Variants in DLGAP2 observed in about 807,000 individuals in gnomAD.
The protein encoded by DLGAP2 is DLG associated protein 2.
Under a neutral mutation model 100.3 loss-of-function variants are expected in DLGAP2, and 26 were observed. The observed-to-expected ratio is 0.26, with a 90% CI of 0.19 to 0.36. The LOEUF (loss-of-function observed/expected upper bound fraction) is 0.36, where lower values mean the gene tolerates loss of function less well. Among genes scored for constraint, DLGAP2 ranks in the 10% least tolerant of loss-of-function variants. DLGAP2 has a pLI of 1.00. For missense variants in DLGAP2, 1,858 were observed against 1,453.2 expected, an observed-to-expected ratio of 1.28 and a Z score of -4.53; for synonymous variants, 886 against 630.1, an observed-to-expected ratio of 1.41 and a Z score of -6.08.
chr8:1,307,118 T>C (rs2117008227), intron 3 of DLGAP2, among the ~76,000 whole-genome samples: 1 of 152,302 alleles, frequency 6.6e-6, no homozygotes, highest in South Asian at 2.1e-4. Flanking sequence ...GTAGATATCA[T>C]ATATCAAAAT....
chr8:826,082 C>G (rs7008410), intron 1 of DLGAP2, among the ~76,000 whole-genome samples: 1 of 152,224 alleles, frequency 6.6e-6, no homozygotes, highest in South Asian at 2.1e-4. Context: ...CTGTGTTTAT[C>G]TTTCTGTGCC....
chr8:1,112,779 C>A lies in DLGAP2; in HGVS notation c.74-146072C>A, dbSNP rs1805001387. Among the ~76,000 whole-genome samples the A allele has an allele frequency of 2.0e-5, 3 of 152,136 alleles. 1 individual carries two copies. The South Asian group carries it at 6.2e-4, about 31-fold the overall frequency. On this transcript the variant is annotated intron_variant, in intron 2 of 14. Coordinates refer to ENST00000637795, the MANE Select transcript of DLGAP2 (RefSeq NM_001346810.2). ...GCAGAAATTGCATGAATCATGAAATCTTTGCTCATTCAGGATGATATTGCC... is the reference window on the plus strand; with the variant it reads ...GCAGAAATTGCATGAATCATGAAATATTTGCTCATTCAGGATGATATTGCC...
intron 3 of DLGAP2, among the ~76,000 whole-genome samples, chr8:1,333,598 C>G (rs1442519074): frequency 6.6e-6 from 1 of 152,182 alleles, no homozygotes; most frequent in Non-Finnish European, 1.5e-5. Context: ...GAGCCCATAT[C>G]AAGCCCTCAT....
intron 3 of DLGAP2, among the ~76,000 whole-genome samples, chr8:1,448,934 G>A (rs1798059972): frequency 6.6e-6 from 1 of 152,144 alleles, no homozygotes; most frequent in Non-Finnish European, 1.5e-5. Context: ...CCGCTGCTGG[G>A]CCTTCAAGGA....
intron 2 of DLGAP2, among the ~76,000 whole-genome samples, chr8:1,165,894 C>T (rs896094938): frequency 6.6e-6 from 1 of 150,868 alleles, no homozygotes; most frequent in Admixed American, 6.6e-5. Context: ...CATAGATGTG[C>T]CACTTTTAAG....
intron 5 of DLGAP2, among the ~76,000 whole-genome samples, chr8:1,558,872 C>T (rs1004766878): frequency 2.0e-5 from 3 of 148,878 alleles, no homozygotes; most frequent in Non-Finnish European, 3.0e-5. Flanking sequence ...TACACATATA[C>T]GTACTTTACA....
At chr8:1,414,433 A>C (rs1441075778) in intron 3 of DLGAP2, among the ~76,000 whole-genome samples, 1 of 152,204 alleles carries the variant, frequency 6.6e-6, no homozygotes, top group African/African-American at 2.4e-5. Flanking sequence ...GAGCCGGTCA[A>C]GTGTGGGAGG....
At chr8:1,188,059 C>G (rs1797550844) in intron 2 of DLGAP2, among the ~76,000 whole-genome samples, 2 of 133,272 alleles carry the variant, frequency 1.5e-5, no homozygotes, top group Admixed American at 1.4e-4. Flanking sequence ...ATCTCACACA[C>G]CCGGGACCTC....
intron 2 of DLGAP2, chr8:926,931 T>G: frequency 1.7e-5 from 13 of 773,010 alleles, no homozygotes; most frequent in Non-Finnish European, 1.9e-5. Flanking sequence ...CTGAGCCGGA[T>G]TAAATGCCTC....
At chr8:1,275,556 C>A (rs570576308) in intron 3 of DLGAP2, among the ~76,000 whole-genome samples, 2 of 151,196 alleles carry the variant, frequency 1.3e-5, no homozygotes, top group South Asian at 4.2e-4. Flanking sequence ...AACTGAATTT[C>A]TTTTCATTCC....
At chr8:1,690,923 T>C (rs1373332473) in intron 12 of DLGAP2, among the ~76,000 whole-genome samples, 1 of 151,986 alleles carries the variant, frequency 6.6e-6, no homozygotes, top group Non-Finnish European at 1.5e-5. Context: ...CCTTTTACCA[T>C]CTCCAGGAGG....
chr8:1,206,533 G>A (rs1797996689), intron 2 of DLGAP2, among the ~76,000 whole-genome samples: 1 of 150,890 alleles, frequency 6.6e-6, no homozygotes, highest in Non-Finnish European at 1.5e-5. Context: ...TCCGTGGACT[G>A]GGGTAGACTG....
In DLGAP2 at chr8:1,049,091, A is replaced by G. The variant is rs116374900; in HGVS notation, c.73+141125A>G. 4.8e-3 allele frequency among the ~76,000 whole-genome samples: 737 copies of G among 152,346 alleles called. 8 individuals are homozygous for G. Among genetic ancestry groups the G allele is most frequent in the African/African-American group, 0.017 (701 of 41,586 alleles). ...CTTCCCGTTTAGCCTGCATTCCTGC[A>G]AAATACATGGGAGGGGAAGCATCTT... On this transcript the variant is annotated intron_variant, in intron 2 of 14. Coordinates refer to ENST00000637795, the MANE Select transcript of DLGAP2 (RefSeq NM_001346810.2).
chr8:1,445,670 C>T (rs1204495475), intron 3 of DLGAP2, among the ~76,000 whole-genome samples: 15 of 152,192 alleles, frequency 9.9e-5, no homozygotes, highest in Non-Finnish European at 1.9e-4. Flanking sequence ...GCCACACTGA[C>T]TTCCACAATG....
chr8:1,491,338 C>T (rs893642830), intron 3 of DLGAP2, among the ~76,000 whole-genome samples: 19 of 152,190 alleles, frequency 1.2e-4, no homozygotes, highest in African/African-American at 4.3e-4. Context: ...TGCTCCTGAC[C>T]CCGGAGGCTT....
At chr8:786,778 A>G (rs1427296637) in intron 1 of DLGAP2, among the ~76,000 whole-genome samples, 2 of 151,068 alleles carry the variant, frequency 1.3e-5, no homozygotes, top group African/African-American at 4.9e-5. Context: ...AAATGGTATG[A>G]GTTGGAAGCA....
intron 2 of DLGAP2, chr8:1,137,352 G>A (rs1199132427): frequency 6.6e-6 from 1 of 152,602 alleles, no homozygotes; most frequent in Non-Finnish European, 1.5e-5. Context: ...TGGATTTGGG[G>A]TGTGCGTAAT....
At chr8:1,453,800 G>A (rs1314525940) in intron 3 of DLGAP2, among the ~76,000 whole-genome samples, 1 of 152,182 alleles carries the variant, frequency 6.6e-6, no homozygotes. Flanking sequence ...CAACCCATAA[G>A]GCATCATGCA....
chr8:1,668,705 G>A (rs765136172), intron 9 of DLGAP2, 27 bp downstream of exon 9: 4 of 1,492,640 alleles, frequency 2.7e-6, no homozygotes, highest in South Asian at 1.3e-5. Flanking sequence ...GCCCGTCAGG[G>A]CCTCGCTCCA....
Sources: gnomAD v4.1 joint callset for allele counts (sites outside exome capture counted in the v4.1 genomes callset) on GRCh38, gnomAD v4.1.1 for gene constraint, MANE v1.5 for transcripts, NCBI Gene and HGNC (gene_info 2026-07-23, HGNC 2026-07-21) for gene names.